NUP93: variants seen among roughly 807,000 people sequenced by gnomAD.
NUP93 encodes the protein nucleoporin 93.
Under a neutral mutation model 107.8 loss-of-function variants are expected in NUP93, and 55 were observed. That is an observed-to-expected ratio of 0.51 (90% CI 0.41 to 0.64). NUP93 has a LOEUF of 0.64. Among genes scored for constraint, NUP93 ranks in the 30% least tolerant of loss-of-function variants. The pLI, the probability that NUP93 is intolerant of heterozygous loss-of-function variation, is 0.00. For synonymous variants in NUP93, 390 were observed against 397.5 expected, an observed-to-expected ratio of 0.98 and a Z score of 0.22; for missense variants, 937 against 1,044.7, an observed-to-expected ratio of 0.90 and a Z score of 1.42.
chr16:56,793,977 A>G (rs2144546233), intron 3 of NUP93, among the ~76,000 whole-genome samples: 1 of 151,832 alleles, frequency 6.6e-6, no homozygotes, highest in South Asian at 2.1e-4. Flanking sequence ...AATTGCTTGA[A>G]CCCGGGAGGT....
intron 3 of NUP93, chr16:56,784,020 TTC>T: frequency 2.5e-6 from 1 of 406,870 alleles, no homozygotes; most frequent in Non-Finnish European, 3.3e-6. Flanking sequence ...TTTAATGTAT[TTC>T]TCAAAAACCA....
intron 1 of NUP93, among the ~76,000 whole-genome samples, chr16:56,740,430 C>T (rs1156314535): frequency 8.6e-5 from 13 of 151,076 alleles, no homozygotes; most frequent in Middle Eastern, 6.8e-3. Context: ...AGAGGATGGG[C>T]GGCCAGGCAG....
At chr16:56,770,691 T>C (rs1271459955) in intron 3 of NUP93, among the ~76,000 whole-genome samples, 1 of 152,134 alleles carries the variant, frequency 6.6e-6, no homozygotes, top group African/African-American at 2.4e-5. Flanking sequence ...CCATCTTTTG[T>C]TTGAAATGAC....
At chr16:56,773,863 G>A (rs1209713106) in intron 3 of NUP93, among the ~76,000 whole-genome samples, 2 of 152,126 alleles carry the variant, frequency 1.3e-5, no homozygotes, top group African/African-American at 2.4e-5. Flanking sequence ...GCAAAGCAGT[G>A]TATTTATCTT....
At chr16:56,821,963 G>A (rs1252772288) in intron 7 of NUP93, among the ~76,000 whole-genome samples, 2 of 150,414 alleles carry the variant, frequency 1.3e-5, no homozygotes, top group Non-Finnish European at 3.0e-5. Context: ...GTGAGCCCTC[G>A]AACTTGACTC....
intron 1 of NUP93, among the ~76,000 whole-genome samples, chr16:56,732,891 A>G (rs1163510536): frequency 1.3e-5 from 2 of 152,190 alleles, no homozygotes; most frequent in Admixed American, 1.3e-4. Flanking sequence ...ACCTTACCCT[A>G]TAGGAAATTT....
Position 56,838,926 on chromosome 16 carries a change from A to G in NUP93, c.2019-26A>G, listed in dbSNP as rs1297472338. The G allele has an allele frequency of 7.3e-6, 11 of 1,504,336 alleles. No homozygotes were observed. In the South Asian group the frequency reaches 1.3e-4, roughly 17 times the overall value. 93.2% of individuals were successfully genotyped at this position (1,504,336 alleles called of 1,614,324 possible). A position where few individuals can be genotyped will look rare whatever the true frequency, so the allele number is the denominator to read the frequency against. ...CAGAAATTCCTGATACACTCTTACT[A>G]CCCCCACCCCGTTTTTGTCTTTCAG... On this transcript the variant is annotated intron_variant, in intron 18 of 21. Coordinates refer to ENST00000308159, the MANE Select transcript of NUP93 (RefSeq NM_014669.5).
At chr16:56,734,484 G>A (rs1961581798) in intron 1 of NUP93, among the ~76,000 whole-genome samples, 1 of 152,186 alleles carries the variant, frequency 6.6e-6, no homozygotes, top group Non-Finnish European at 1.5e-5. Context: ...TAAGGACTTT[G>A]GATCTCAGCC....
intron 5 of NUP93, among the ~76,000 whole-genome samples, chr16:56,814,995 G>A (rs952865931): frequency 3.9e-5 from 6 of 152,174 alleles, no homozygotes; most frequent in South Asian, 2.1e-4. Flanking sequence ...CTTTATGTGC[G>A]GGGAAATAGC....
At chr16:56,756,889 A>G (rs1225287378) in intron 2 of NUP93, among the ~76,000 whole-genome samples, 2 of 152,148 alleles carry the variant, frequency 1.3e-5, no homozygotes, top group Non-Finnish European at 2.9e-5. Context: ...TTCTCTAATA[A>G]TCAGTGATAT....
intron 21 of NUP93, among the ~76,000 whole-genome samples, chr16:56,843,663 T>G (rs1326374456): frequency 6.6e-6 from 1 of 152,220 alleles, no homozygotes; most frequent in Admixed American, 6.5e-5. Flanking sequence ...GATATTCACA[T>G]CACAAAGTCA....
chr16:56,768,659 G>T (rs1342018997), intron 3 of NUP93, among the ~76,000 whole-genome samples: 2 of 151,592 alleles, frequency 1.3e-5, no homozygotes, highest in Non-Finnish European at 2.9e-5. Flanking sequence ...AAGGTCAGGA[G>T]ATCGAGACCA....
intron 4 of NUP93, among the ~76,000 whole-genome samples, chr16:56,803,262 C>T (rs993040034): frequency 6.6e-6 from 1 of 152,066 alleles, no homozygotes; most frequent in Admixed American, 6.6e-5. Context: ...AGTTCGAGAC[C>T]AGCCTAGCCA....
rs1203947888 is a variant in NUP93 at position 56,834,197 on chromosome 16, C to G, written c.1607C>G (p.Thr536Ser). 6.2e-7 allele frequency: 1 copy of G among 1,614,160 alleles called. No homozygotes were observed. The highest frequency in any genetic ancestry group is 8.5e-7 in the Non-Finnish European group (1 of 1,180,028). The stretch of plus-strand genomic sequence containing the variant: ...TTCGTGCGGCTCCTCATGCTGTACA[C>G]CCGGAAGTTTGAGTCCACGGACCCA... ...LNFVRLLMLY[T>S]RKFESTDPRE... Residue 536 changes from threonine (T) to serine (S), a missense_variant, in exon 14 of 22, where the codon ACC (threonine) becomes AGC (serine). Physicochemically the swap from Thr to Ser is moderately conservative, Grantham distance 58. Coordinates refer to ENST00000308159, the MANE Select transcript of NUP93 (RefSeq NM_014669.5).
At chr16:56,750,387 T>C (rs1348856021) in intron 2 of NUP93, among the ~76,000 whole-genome samples, 2 of 152,254 alleles carry the variant, frequency 1.3e-5, no homozygotes, top group African/African-American at 2.4e-5. Flanking sequence ...AGGAAAAATT[T>C]TCTTACATGA....
chr16:56,748,196 C>T, intron 1 of NUP93, 38 bp from the exon 2 acceptor site: 2 of 1,417,288 alleles, frequency 1.4e-6, no homozygotes, highest in Non-Finnish European at 1.9e-6. Context: ...ACCTGTCTTT[C>T]CCTTGATTTA....
chr16:56,815,905 C>CTGCTGCTGCTGCTGG (rs1963419244), intron 5 of NUP93, among the ~76,000 whole-genome samples: 1 of 125,220 alleles, frequency 8.0e-6, no homozygotes, highest in South Asian at 2.7e-4. Flanking sequence ...GCTGGTGCTG[C>CTGCTGCTGCTGCTGG]TGCTGCTGCT....
intron 4 of NUP93, among the ~76,000 whole-genome samples, chr16:56,804,654 A>G (rs1055028082): frequency 2.0e-5 from 3 of 152,192 alleles, no homozygotes; most frequent in Non-Finnish European, 2.9e-5. Flanking sequence ...CACACCTGTA[A>G]TCCCAGCACT....
intron 3 of NUP93, among the ~76,000 whole-genome samples, chr16:56,761,072 T>A (rs1349689068): frequency 6.6e-6 from 1 of 152,234 alleles, no homozygotes; most frequent in African/African-American, 2.4e-5. Flanking sequence ...TAATTAGGAA[T>A]TGATCATCTA....
Sources: gnomAD v4.1 joint callset for allele counts (sites outside exome capture counted in the v4.1 genomes callset) on GRCh38, gnomAD v4.1.1 for gene constraint, MANE v1.5 for transcripts, NCBI Gene and HGNC (gene_info 2026-07-23, HGNC 2026-07-21) for gene names.